Variants in MEGF11 observed in about 807,000 individuals in gnomAD.
The protein encoded by MEGF11 is multiple epidermal growth factor-like domains protein 11.
In MEGF11, 126 loss-of-function variants were observed where a neutral mutation model predicts 146.6. The ratio of observed to expected loss-of-function variants is 0.86; its 90% confidence interval spans 0.74 to 1.00. The LOEUF (loss-of-function observed/expected upper bound fraction) is 1.00, where lower values mean the gene tolerates loss of function less well. Ranked by LOEUF, MEGF11 falls within the 50% of genes least tolerant of loss-of-function variation. MEGF11 has a pLI of 0.00. For synonymous variants in MEGF11, 532 were observed against 583.4 expected (o/e 0.91, Z 1.27); for missense variants, 1,509 against 1,521.2 (o/e 0.99, Z 0.13).
intron 16 of MEGF11, 37 bp downstream of exon 16, chr15:65,917,929 C>G (rs745849623): frequency 1.2e-6 from 2 of 1,612,770 alleles, no homozygotes; most frequent in Non-Finnish European, 1.7e-6. Flanking sequence ...TTGGGCCTGA[C>G]CCCAGGTAGG....
At chr15:65,952,966 G>A (rs1320573439) in intron 10 of MEGF11, among the ~76,000 whole-genome samples, 3 of 152,156 alleles carry the variant, frequency 2.0e-5, no homozygotes, top group African/African-American at 7.2e-5. Context: ...TGAGAGGCTT[G>A]TCCACTCGTA....
chr15:66,160,853 T>C (rs555301590), intron 1 of MEGF11, among the ~76,000 whole-genome samples: 1 of 152,296 alleles, frequency 6.6e-6, no homozygotes, highest in South Asian at 2.1e-4. Flanking sequence ...GAATCCAGTA[T>C]GCCAGAGCTA....
intron 1 of MEGF11, among the ~76,000 whole-genome samples, chr15:66,236,699 C>G (rs1217063183): frequency 6.6e-6 from 1 of 152,148 alleles, no homozygotes; most frequent in African/African-American, 2.4e-5. Context: ...CCCCAGTGAG[C>G]CTCCGTGCCT....
At chr15:66,212,369 C>G (rs952694309) in intron 1 of MEGF11, among the ~76,000 whole-genome samples, 1 of 152,180 alleles carries the variant, frequency 6.6e-6, no homozygotes, top group African/African-American at 2.4e-5. Context: ...GGATTGTATT[C>G]TCCCATCCCC....
At chr15:66,199,324 C>T (rs2091091231) in intron 1 of MEGF11, among the ~76,000 whole-genome samples, 1 of 152,116 alleles carries the variant, frequency 6.6e-6, no homozygotes. Context: ...AGCTGAAAAT[C>T]TCCCCATTCC....
chr15:65,957,054 G>A (rs996033154), intron 10 of MEGF11, among the ~76,000 whole-genome samples: 15 of 152,172 alleles, frequency 9.9e-5, no homozygotes, highest in Admixed American at 5.9e-4. Context: ...TTTGTATGAA[G>A]ATGCTCACTG....
intron 5 of MEGF11, among the ~76,000 whole-genome samples, chr15:66,040,730 C>T (rs1042067525): frequency 6.6e-6 from 1 of 152,144 alleles, no homozygotes; most frequent in African/African-American, 2.4e-5. Context: ...ACTCACATCA[C>T]GACTGTCATC....
chr15:66,232,371 G>A (rs1164669592), intron 1 of MEGF11, among the ~76,000 whole-genome samples: 4 of 152,320 alleles, frequency 2.6e-5, no homozygotes, highest in Non-Finnish European at 5.9e-5. Flanking sequence ...ACCGGCCCCA[G>A]TCAAGGCAGA....
chr15:65,982,077 C>T lies in MEGF11; in HGVS notation c.641+165G>A, dbSNP rs950078947. Among the ~76,000 whole-genome samples, 4 of 152,150 alleles carry T rather than the reference C, an allele frequency of 2.6e-5. No homozygotes were observed. Among genetic ancestry groups the T allele is most frequent in the Admixed American group, 2.0e-4 (3 of 15,284 alleles). On this transcript the variant is annotated intron_variant, in intron 6 of 25. Transcript: ENST00000395614. This position sits in a 1 kb window ranked among gnomAD's most constrained non-coding sequence, Gnocchi z 5.6. ...AGACTATCCCTCCTGGTCCCACCAC[C>T]CAGCCCACCCACAAGGAGCCCAGGG...
At chr15:66,035,761 C>T (rs146901345) in intron 5 of MEGF11, among the ~76,000 whole-genome samples, 2 of 152,348 alleles carry the variant, frequency 1.3e-5, no homozygotes, top group South Asian at 2.1e-4. Flanking sequence ...ATGTGCTTCT[C>T]TTTTTCTTCT....
chr15:66,139,285 C>T (rs1209103673), intron 1 of MEGF11, among the ~76,000 whole-genome samples: 3 of 152,132 alleles, frequency 2.0e-5, no homozygotes, highest in Non-Finnish European at 2.9e-5. Flanking sequence ...GTACTGTGGC[C>T]GATCAAAATC....
At chr15:66,219,606 C>T (rs2091680715) in intron 1 of MEGF11, among the ~76,000 whole-genome samples, 1 of 152,068 alleles carries the variant, frequency 6.6e-6, no homozygotes, top group Admixed American at 6.5e-5. Context: ...TCATACATTG[C>T]TGATGGGAAT....
chr15:66,037,266 G>A (rs940651035), intron 5 of MEGF11, among the ~76,000 whole-genome samples: 7 of 152,116 alleles, frequency 4.6e-5, no homozygotes, highest in East Asian at 1.9e-4. Context: ...TAGCATTTCC[G>A]TCTCATACTT....
At chr15:65,899,897 G>A (rs1168857788) in intron 24 of MEGF11, among the ~76,000 whole-genome samples, 1 of 152,120 alleles carries the variant, frequency 6.6e-6, no homozygotes, top group Non-Finnish European at 1.5e-5. Context: ...ATGCAGGCTG[G>A]TTTCCAAATA....
At chr15:65,946,292 C>T (rs919480944) in intron 10 of MEGF11, among the ~76,000 whole-genome samples, 4 of 152,182 alleles carry the variant, frequency 2.6e-5, no homozygotes, top group East Asian at 1.9e-4. Flanking sequence ...CTACCCTAAG[C>T]CACCCAGGAG....
At chr15:66,107,600 G>T (rs1235668426) in intron 4 of MEGF11, among the ~76,000 whole-genome samples, 8 of 152,160 alleles carry the variant, frequency 5.3e-5, no homozygotes, top group Non-Finnish European at 8.8e-5. Flanking sequence ...ACACACATGG[G>T]ACATGGGTAC....
intron 10 of MEGF11, among the ~76,000 whole-genome samples, chr15:65,939,805 C>T (rs1444610844): frequency 6.6e-6 from 1 of 152,096 alleles, no homozygotes; most frequent in East Asian, 1.9e-4. Flanking sequence ...CTTTAACTCT[C>T]CCCCAGCCCT....
chr15:66,220,810 T>A (rs1402637601), intron 1 of MEGF11, among the ~76,000 whole-genome samples: 1 of 152,140 alleles, frequency 6.6e-6, no homozygotes. Context: ...CTGCTAGGGT[T>A]ACAGGCATGT....
chr15:65,961,605 T>C (rs2080860253), intron 9 of MEGF11, among the ~76,000 whole-genome samples: 1 of 152,184 alleles, frequency 6.6e-6, no homozygotes. Flanking sequence ...AAATAATTGA[T>C]AAAGGGAATG....
Sources: allele counts gnomAD v4.1 joint callset (sites outside exome capture counted in the v4.1 genomes callset), GRCh38; gene constraint gnomAD v4.1.1; non-coding constraint Gnocchi (gnomAD v3.1); transcripts MANE v1.5; gene names NCBI Gene and HGNC (gene_info 2026-07-23, HGNC 2026-07-21).